The following OR10J1 variants were observed in gnomAD, a reference collection of about 807,000 sequenced individuals.
OR10J1 encodes olfactory receptor family 10 subfamily J member 1, also known as olfactory receptor 10J1.
For missense variants in OR10J1, 474 were observed against 376.6 expected, an observed-to-expected ratio of 1.26 and a Z score of -2.14; for synonymous variants, 202 against 143.8, an observed-to-expected ratio of 1.40 and a Z score of -2.89.
chr1:159,413,099 C>A, the OR10J1 span, among the ~76,000 whole-genome samples: 1 of 152,240 alleles, frequency 6.6e-6, no homozygotes, highest in Non-Finnish European at 1.5e-5. Context: ...TGCTCACCAT[C>A]ACTGGCCATC....
chr1:159,432,465 A>T, the OR10J1 span: 1 of 413,830 alleles, frequency 2.4e-6, no homozygotes, highest in East Asian at 3.5e-5. Flanking sequence ...CGGTCTCCTC[A>T]GTCCTCAACA....
At chr1:159,420,768 T>A in the OR10J1 span, among the ~76,000 whole-genome samples, 1 of 152,148 alleles carries the variant, frequency 6.6e-6, no homozygotes, top group Non-Finnish European at 1.5e-5. Flanking sequence ...AAATATGCTG[T>A]TAGTCTGATC....
chr1:159,408,060 T>G, the OR10J1 span, among the ~76,000 whole-genome samples: 1 of 151,880 alleles, frequency 6.6e-6, no homozygotes, highest in African/African-American at 2.4e-5. Flanking sequence ...TCCAAGATAG[T>G]AAAGGAAAAG....
chr1:159,422,729 G>T, the OR10J1 span, among the ~76,000 whole-genome samples: 1 of 152,186 alleles, frequency 6.6e-6, no homozygotes, highest in South Asian at 2.1e-4. Context: ...CCTTTGTGTA[G>T]TCCCCAGGAA....
the OR10J1 span, among the ~76,000 whole-genome samples, chr1:159,411,941 T>A: frequency 6.6e-6 from 1 of 152,212 alleles, no homozygotes; most frequent in South Asian, 2.1e-4. Flanking sequence ...GAAAACCCCA[T>A]TCTCTCAGCC....
chr1:159,434,754 G>C (rs1157447918), upstream of OR10J1, among the ~76,000 whole-genome samples: 2 of 151,928 alleles, frequency 1.3e-5, no homozygotes, highest in Non-Finnish European at 2.9e-5. Flanking sequence ...CAACTCCCAG[G>C]GTTGCTGTGA....
chr1:159,437,516 A>C (rs1342620192), upstream of OR10J1, among the ~76,000 whole-genome samples: 1 of 152,238 alleles, frequency 6.6e-6, no homozygotes, highest in African/African-American at 2.4e-5. Flanking sequence ...AACCACATGC[A>C]CATATACACA....
rs367704797 is a variant in OR10J1, at chr1:159,440,730, G to A, written c.*9G>A. The A allele has an allele frequency of 2.9e-4, 460 of 1,603,990 alleles. 1 individual carries two copies. Among genetic ancestry groups the A allele is most frequent in the Middle Eastern group, 5.0e-4 (3 of 6,048 alleles). On this transcript the variant is annotated 3_prime_UTR_variant, in exon 1 of 1. Coordinates refer to ENST00000423932, the MANE Select transcript of OR10J1 (RefSeq NM_012351.3). The stretch of plus-strand genomic sequence containing the variant: ...GTGGGAAGTTTTCCTGACCATGTAG[G>A]AAGAGTTCTCCTGAGGCTGTCAACA...
upstream of OR10J1, among the ~76,000 whole-genome samples, chr1:159,439,189 C>T (rs1655828446): frequency 6.6e-6 from 1 of 152,098 alleles, no homozygotes; most frequent in Non-Finnish European, 1.5e-5. Flanking sequence ...GCTTCTAATT[C>T]TTAAAGGATG....
the OR10J1 span, among the ~76,000 whole-genome samples, chr1:159,429,783 G>T: frequency 6.6e-6 from 1 of 152,098 alleles, no homozygotes; most frequent in African/African-American, 2.4e-5. Flanking sequence ...GCCTGGTGCT[G>T]CTTTTTGTAT....
the OR10J1 span, among the ~76,000 whole-genome samples, chr1:159,412,160 A>G: frequency 2.5e-3 from 374 of 152,192 alleles, no homozygotes; most frequent in African/African-American, 8.6e-3. Flanking sequence ...AAGGAGAACT[A>G]CAAACCACTG....
the OR10J1 span, among the ~76,000 whole-genome samples, chr1:159,413,130 C>T: frequency 1.8e-4 from 27 of 152,258 alleles, 1 homozygote; most frequent in South Asian, 5.6e-3. Context: ...AAATCAAAAC[C>T]ACAATGAGAT....
rs753350078 is a variant in OR10J1 at position 159,440,613 on chromosome 1, G to A, written c.822G>A (p.Ser274=). Reference sequence around the variant, plus strand: ...CCAGAGAACATGACCAGCTGATCTCGGTGACCTACACTGTCATCACTCCCC... The same window carrying A: ...CCAGAGAACATGACCAGCTGATCTCAGTGACCTACACTGTCATCACTCCCC... ...ENTREHDQLI[S]VTYTVITPLL... is the part of the protein sequence containing the mutation. The change falls in exon 1 of 1, where the codon TCG becomes TCA. Residue 274 remains serine, a synonymous_variant. Coordinates refer to ENST00000423932, the MANE Select transcript of OR10J1 (RefSeq NM_012351.3). 3.4e-5 allele frequency: 55 copies of A among 1,613,396 alleles called. No homozygotes were observed. Among genetic ancestry groups the A allele is most frequent in the Admixed American group, 3.0e-4 (18 of 59,944 alleles).
upstream of OR10J1, among the ~76,000 whole-genome samples, chr1:159,438,695 C>G (rs535931524): frequency 2.0e-5 from 3 of 152,202 alleles, no homozygotes; most frequent in Admixed American, 6.5e-5. Flanking sequence ...TGCGTACTAA[C>G]CTTCATCATT....
chr1:159,401,007 C>T, the OR10J1 span, among the ~76,000 whole-genome samples: 3 of 151,670 alleles, frequency 2.0e-5, no homozygotes, highest in African/African-American at 4.8e-5. Flanking sequence ...ACAATATGTT[C>T]CTGAATGACC....
the OR10J1 span, among the ~76,000 whole-genome samples, chr1:159,429,518 T>C: frequency 6.6e-6 from 1 of 152,208 alleles, no homozygotes; most frequent in Admixed American, 6.5e-5. Context: ...CAGGACCTTA[T>C]GCTGATGCAA....
chr1:159,440,403 G>T lies in OR10J1; in HGVS notation c.612G>T (p.Leu204=), dbSNP rs2101710891. The change falls in exon 1 of 1, where the codon CTG becomes CTT. Residue 204 remains leucine, a synonymous_variant. Transcript: ENST00000423932. ...TCCTGACTTTGATTATCAGTGTGCT[G>T]GTGCTTGTTGTACCTATGGGTCTGG... is the stretch of plus-strand genomic sequence containing the variant. ...NEILTLIISV[L]VLVVPMGLVF... The T allele has an allele frequency of 1.2e-6, 2 of 1,614,138 alleles. No homozygotes were observed. Among genetic ancestry groups the T allele is most frequent in the East Asian group, 2.2e-5 (1 of 44,870 alleles).
the OR10J1 span, among the ~76,000 whole-genome samples, chr1:159,404,073 A>G: frequency 0.081 from 12,290 of 152,100 alleles, 1,155 homozygotes; most frequent in African/African-American, 0.23. Context: ...AAAACAATTG[A>G]ACTCATGGGC....
At chr1:159,438,253 C>G (rs1655796697), upstream of OR10J1, among the ~76,000 whole-genome samples, 1 of 152,176 alleles carries the variant, frequency 6.6e-6, no homozygotes, top group Admixed American at 6.5e-5. Flanking sequence ...TACCTCAAGA[C>G]AGACAAGTTT....
Sources: allele counts gnomAD v4.1 joint callset (sites outside exome capture counted in the v4.1 genomes callset), GRCh38; gene constraint gnomAD v4.1.1; transcripts MANE v1.5; gene names NCBI Gene and HGNC (gene_info 2026-07-23, HGNC 2026-07-21).